The following ACOT1 variants were observed in gnomAD, a reference collection of about 807,000 sequenced individuals.
The protein encoded by ACOT1 is acyl-CoA thioesterase 1, also known as acyl-coenzyme A thioesterase 1.
A neutral mutation model predicts 15.7 loss-of-function variants in ACOT1; 8 were observed. That is an observed-to-expected ratio of 0.51 (90% CI 0.30 to 0.92). ACOT1 has a LOEUF of 0.92. ACOT1 is among the 40% of genes least tolerant of loss of function. The pLI is 0.06. For synonymous variants in ACOT1, 67 were observed against 241.2 expected, an observed-to-expected ratio of 0.28 and a Z score of 6.69; for missense variants, 151 against 539.4, an observed-to-expected ratio of 0.28 and a Z score of 7.13.
At chr14:73,502,942 C>T in the ACOT1 span, 4 of 1,613,994 alleles carry the variant, frequency 2.5e-6, no homozygotes, top group Non-Finnish European at 3.4e-6. Flanking sequence ...GCCCAAGCGC[C>T]TGTGCAGCTG....
the ACOT1 span, among the ~76,000 whole-genome samples, chr14:73,531,704 C>T: frequency 1.1e-4 from 12 of 112,388 alleles, 3 homozygotes; most frequent in East Asian, 2.9e-3. Context: ...GCCACCACAC[C>T]CAGCCTCTTG....
At chr14:73,509,264 G>GA in the ACOT1 span, 2 of 1,551,300 alleles carry the variant, frequency 1.3e-6, no homozygotes, top group Non-Finnish European at 1.8e-6. Flanking sequence ...CTGATAGTGA[G>GA]ATGTCTATCC....
At chr14:73,525,643 A>G in the ACOT1 span, among the ~76,000 whole-genome samples, 2 of 152,252 alleles carry the variant, frequency 1.3e-5, no homozygotes. Flanking sequence ...CAAACTGAAC[A>G]ACTGTCCCCA....
At chr14:73,517,665 C>G in the ACOT1 span, among the ~76,000 whole-genome samples, 1 of 59,366 alleles carries the variant, frequency 1.7e-5, no homozygotes, top group Admixed American at 2.4e-4. Context: ...GAGACCCTGT[C>G]AAAAAAAAAA....
At chr14:73,509,566 G>C in the ACOT1 span, 3 of 1,297,714 alleles carry the variant, frequency 2.3e-6, no homozygotes, top group East Asian at 7.0e-5. Flanking sequence ...GCCAACCTCA[G>C]TCCCAGCTGC....
chr14:73,499,254 G>T, the ACOT1 span: 1 of 865,984 alleles, frequency 1.2e-6, no homozygotes, highest in Non-Finnish European at 2.0e-6. Context: ...GCCAAGGTGG[G>T]CGGATCACTT....
the ACOT1 span, among the ~76,000 whole-genome samples, chr14:73,497,040 C>T: frequency 6.6e-6 from 1 of 152,306 alleles, no homozygotes; most frequent in Admixed American, 6.5e-5. Flanking sequence ...GGACTACAGG[C>T]GCGTGCCATC....
the ACOT1 span, among the ~76,000 whole-genome samples, chr14:73,509,866 A>ATTTATATATTTATATATT: frequency 1.2e-4 from 8 of 67,512 alleles, no homozygotes; most frequent in African/African-American, 5.0e-4. Context: ...ATATATATAT[A>ATTTATATATTTATATATT]TATTTATTTA....
chr14:73,520,979 A>G, the ACOT1 span: 1 of 1,613,656 alleles, frequency 6.2e-7, no homozygotes, highest in East Asian at 2.2e-5. Flanking sequence ...GGATATCCTC[A>G]GTGCTCTTGT....
chr14:73,524,310 A>AAAAAAATAT, the ACOT1 span, among the ~76,000 whole-genome samples: 255 of 54,744 alleles, frequency 4.7e-3, 4 homozygotes, highest in Non-Finnish European at 5.8e-3. Flanking sequence ...AAAAAAAAAA[A>AAAAAAATAT]ATATATATAT....
the ACOT1 span, chr14:73,498,018 T>G: frequency 1.4e-6 from 1 of 713,928 alleles, no homozygotes; most frequent in Non-Finnish European, 2.3e-6. Context: ...CCTACTTGGG[T>G]GAGTGGTGAA....
chr14:73,521,378 C>T, the ACOT1 span, among the ~76,000 whole-genome samples: 145 of 152,244 alleles, frequency 9.5e-4, 1 homozygote, highest in African/African-American at 3.2e-3. Flanking sequence ...AGGGATCCCA[C>T]CTCCTTCGTC....
At chr14:73,499,766 C>T in the ACOT1 span, among the ~76,000 whole-genome samples, 213 of 152,188 alleles carry the variant, frequency 1.4e-3, no homozygotes, top group African/African-American at 4.9e-3. Flanking sequence ...ATCCTAAAGC[C>T]CATCAGCACC....
chr14:73,509,887 T>A, the ACOT1 span, among the ~76,000 whole-genome samples: 1 of 134,284 alleles, frequency 7.4e-6, no homozygotes, highest in Admixed American at 8.0e-5. Context: ...TTTTATATAT[T>A]TTTTGAGACG....
At chr14:73,534,592 G>A (rs1888802724), upstream of ACOT1, among the ~76,000 whole-genome samples, 2 of 110,052 alleles carry the variant, frequency 1.8e-5, 1 homozygote. Context: ...GGGAGGCTGA[G>A]GTGGGAGAAC....
the ACOT1 span, chr14:73,498,055 G>T: frequency 8.9e-7 from 1 of 1,121,548 alleles, no homozygotes; most frequent in Non-Finnish European, 1.3e-6. Flanking sequence ...TGCTTTTACT[G>T]CCATTAGGTA....
the ACOT1 span, chr14:73,496,538 G>A: frequency 1.0e-6 from 1 of 974,170 alleles, no homozygotes; most frequent in Non-Finnish European, 1.7e-6. Flanking sequence ...GAGGAGGACA[G>A]GGTCTGAGGA....
the ACOT1 span, among the ~76,000 whole-genome samples, chr14:73,528,031 C>T: frequency 0.28 from 41,297 of 147,764 alleles, 5,967 homozygotes; most frequent in Admixed American, 0.34. Flanking sequence ...TAGCCTGTGA[C>T]GTAAAGAATC....
At chr14:73,535,679 C>A (rs191363374), upstream of ACOT1, among the ~76,000 whole-genome samples, 89 of 111,326 alleles carry the variant, frequency 8.0e-4, 15 homozygotes, top group African/African-American at 2.5e-3. Context: ...CGGAGTTTCA[C>A]TGTGTTAGCC....
Sources: allele counts gnomAD v4.1 joint callset (sites outside exome capture counted in the v4.1 genomes callset), GRCh38; gene constraint gnomAD v4.1.1; transcripts MANE v1.5; gene names NCBI Gene and HGNC (gene_info 2026-07-23, HGNC 2026-07-21).